The following NPHP4 variants were observed in gnomAD, a reference collection of about 807,000 sequenced individuals.
NPHP4 encodes the protein nephrocystin-4.
Under a neutral mutation model 155.8 loss-of-function variants are expected in NPHP4, and 151 were observed. The ratio of observed to expected loss-of-function variants is 0.97; its 90% CI spans 0.85 to 1.11. The LOEUF (loss-of-function observed/expected upper bound fraction) is 1.11, where lower values mean the gene tolerates loss of function less well. NPHP4 is among the 50% of genes least tolerant of loss of function. The pLI is 0.00. For missense variants in NPHP4, 1,956 were observed against 1,925.7 expected (o/e 1.02, Z -0.29); for synonymous variants, 845 against 816.8 (o/e 1.03, Z -0.59).
chr1:5,956,725 G>A (rs1649315385), intron 6 of NPHP4, among the ~76,000 whole-genome samples: 2 of 152,176 alleles, frequency 1.3e-5, no homozygotes, highest in Non-Finnish European at 2.9e-5. Flanking sequence ...GACCTCCCAG[G>A]ACGCTCTACT....
At chr1:5,874,778 G>C (rs1489761933) in intron 21 of NPHP4, 96 bp downstream of exon 21, 3 of 1,514,936 alleles carry the variant, frequency 2.0e-6, no homozygotes, top group Non-Finnish European at 2.7e-6. Context: ...AAATCGCCCC[G>C]GCTCTCGGGC....
In NPHP4 at chr1:5,908,740, G is replaced by A. The variant is rs571009721; in HGVS notation, c.1503+412C>T. ...CTCCACCAGCATCGGCTGCTTGGCC[G>A]ACAGGGCCAGGGGACACCAATAGCT... On this transcript the variant is annotated intron_variant, in intron 12 of 29. Transcript: ENST00000378156. 3.7e-4 allele frequency among the ~76,000 whole-genome samples: 56 copies of A among 152,336 alleles called. No homozygotes were observed. In the South Asian group the frequency reaches 0.011, roughly 30 times the overall value.
intron 25 of NPHP4, 67 bp from the exon 26 acceptor site, chr1:5,866,525 T>TA (rs1641250786): frequency 1.1e-6 from 1 of 895,332 alleles, no homozygotes; most frequent in African/African-American, 1.6e-5. Flanking sequence ...GGCCCCTAAA[T>TA]CTGTGACTAA....
At chr1:5,964,941 A>ATATTTTTTTTTTTTTTTTT in intron 5 of NPHP4, among the ~76,000 whole-genome samples, 2 of 59,416 alleles carry the variant, frequency 3.4e-5, no homozygotes, top group African/African-American at 1.7e-4. Context: ...ATATATATAT[A>ATATTTTTTTTTTTTTTTTT]TTTTTTTTTT....
At chr1:5,984,749 G>T (rs770738232) in intron 2 of NPHP4, among the ~76,000 whole-genome samples, 1 of 152,144 alleles carries the variant, frequency 6.6e-6, no homozygotes, top group Non-Finnish European at 1.5e-5. Context: ...TGAACTACGT[G>T]CATTACCTTT....
At chr1:5,927,424 T>G (rs995184031) in intron 11 of NPHP4, among the ~76,000 whole-genome samples, 2 of 152,238 alleles carry the variant, frequency 1.3e-5, no homozygotes, top group Non-Finnish European at 2.9e-5. Flanking sequence ...GTAACTGAGC[T>G]GACTCTGGGC....
chr1:5,935,946 G>A (rs1646516424), intron 9 of NPHP4, among the ~76,000 whole-genome samples: 1 of 152,148 alleles, frequency 6.6e-6, no homozygotes, highest in African/African-American at 2.4e-5. Context: ...ACAATGTCTA[G>A]ACTACTTTTG....
chr1:5,911,849 T>C (rs893924874), intron 11 of NPHP4, among the ~76,000 whole-genome samples: 4 of 152,218 alleles, frequency 2.6e-5, no homozygotes, highest in African/African-American at 4.8e-5. Context: ...ACTATACTCA[T>C]AGTCCTGCCC....
intron 18 of NPHP4, among the ~76,000 whole-genome samples, chr1:5,886,238 T>G (rs1296405597): frequency 6.6e-6 from 1 of 152,232 alleles, no homozygotes; most frequent in Non-Finnish European, 1.5e-5. Context: ...AATTGAGTTT[T>G]GCTGTGTCCA....
chr1:5,874,435 C>T lies in NPHP4; in HGVS notation c.3231+36G>A, dbSNP rs756656316. On this transcript the variant is annotated intron_variant, in intron 22 of 29. Transcript: ENST00000378156. Reference sequence around the variant, plus strand: ...ATTCTCAATTTCCCACCGTCATCAGCCAAATGCAACTTCCCTGTGTGCCTG... The same window carrying T: ...ATTCTCAATTTCCCACCGTCATCAGTCAAATGCAACTTCCCTGTGTGCCTG... 4 of 1,481,204 alleles carry T rather than the reference C, an allele frequency of 2.7e-6. No individual in the cohort carries two copies. In the Admixed American group the frequency reaches 9.7e-5, roughly 36 times the overall value. 91.8% of individuals were successfully genotyped at this position (1,481,204 alleles called of 1,614,324 possible).
chr1:5,927,305 C>T (rs753529402), intron 11 of NPHP4, among the ~76,000 whole-genome samples: 41 of 152,294 alleles, frequency 2.7e-4, no homozygotes, highest in African/African-American at 8.9e-4. Flanking sequence ...ACAGTGCAAA[C>T]GCAAGGTGGC....
chr1:5,887,610 C>A lies in NPHP4; in HGVS notation c.2305-144G>T, dbSNP rs931021232. 2.0e-5 allele frequency: 16 copies of A among 792,326 alleles called. No individual in the cohort carries two copies. In the East Asian group the frequency reaches 3.8e-4, roughly 19 times the overall value. The allele number at this position is 792,326 out of a possible 1,614,324, so 49.1% of individuals were successfully genotyped here. A position where few individuals can be genotyped will look rare whatever the true frequency, so the allele number is the denominator to read the frequency against. On this transcript the variant is annotated intron_variant, in intron 17 of 29. Transcript: ENST00000378156. ...GTGCGCAGGATAAGACCCTGCACCA[C>A]GCTGGGGGGTGAGGGGGCGGCGAGC...
intron 1 of NPHP4, chr1:5,991,634 G>A (rs1656313143): frequency 5.9e-5 from 9 of 152,266 alleles, no homozygotes; most frequent in Non-Finnish European, 1.2e-4. Context: ...GGCGCCTTCC[G>A]GGCCGGGTCG....
intron 29 of NPHP4, 122 bp downstream of exon 29, chr1:5,863,768 G>A (rs919068629): frequency 2.0e-5 from 22 of 1,089,932 alleles, no homozygotes; most frequent in Middle Eastern, 2.9e-4. Context: ...ACCTGTCACC[G>A]CCCTGGGGCT....
At chr1:5,874,290 T>C (rs911463199) in intron 22 of NPHP4, among the ~76,000 whole-genome samples, 181 bp downstream of exon 22, 10 of 133,658 alleles carry the variant, frequency 7.5e-5, no homozygotes, top group African/African-American at 2.8e-4. Context: ...GAGAAGGGGC[T>C]GGTTGCCACT....
At chr1:5,939,985 G>A (rs1168143442) in intron 9 of NPHP4, among the ~76,000 whole-genome samples, 1 of 152,166 alleles carries the variant, frequency 6.6e-6, no homozygotes, top group Non-Finnish European at 1.5e-5. Flanking sequence ...ACAGAGAAGA[G>A]CTGCCTGCCC....
chr1:5,984,203 A>C (rs1655133509), intron 2 of NPHP4, among the ~76,000 whole-genome samples: 1 of 152,208 alleles, frequency 6.6e-6, no homozygotes, highest in Non-Finnish European at 1.5e-5. Context: ...TAATAACATG[A>C]ATGATCGATA....
chr1:5,921,365 T>A (rs908041448), intron 11 of NPHP4, among the ~76,000 whole-genome samples: 1 of 152,242 alleles, frequency 6.6e-6, no homozygotes, highest in African/African-American at 2.4e-5. Flanking sequence ...CGTCTGGAAA[T>A]GGCACTTCTG....
At chr1:5,963,907 C>T (rs1022295640) in intron 5 of NPHP4, among the ~76,000 whole-genome samples, 5 of 152,102 alleles carry the variant, frequency 3.3e-5, no homozygotes, top group Admixed American at 6.6e-5. Flanking sequence ...AGGCTGGTCT[C>T]GAACTCCTGA....
Sources: allele counts gnomAD v4.1 joint callset (sites outside exome capture counted in the v4.1 genomes callset), GRCh38; gene constraint gnomAD v4.1.1; transcripts MANE v1.5; gene names NCBI Gene and HGNC (gene_info 2026-07-23, HGNC 2026-07-21).